ADAMTS17: variants seen among roughly 807,000 people sequenced by gnomAD.
ADAMTS17 encodes the protein A disintegrin and metalloproteinase with thrombospondin motifs 17.
In ADAMTS17, 113 loss-of-function variants were observed where a neutral mutation model predicts 141.5. The ratio of observed to expected loss-of-function variants is 0.80; its 90% CI spans 0.69 to 0.93. ADAMTS17 has a LOEUF of 0.93. Ranked by LOEUF, ADAMTS17 falls within the 40% of genes least tolerant of loss-of-function variation. The probability of loss-of-function intolerance (pLI) is 0.00; values close to 1 mark genes in which losing one functional copy is unlikely to be tolerated. For synonymous variants in ADAMTS17, 768 were observed against 630.6 expected, an observed-to-expected ratio of 1.22 and a Z score of -3.27; for missense variants, 1,659 against 1,517.9, an observed-to-expected ratio of 1.09 and a Z score of -1.54.
intron 3 of ADAMTS17, among the ~76,000 whole-genome samples, chr15:100,309,481 C>T (rs762736597): frequency 9.8e-5 from 15 of 152,308 alleles, no homozygotes; most frequent in Middle Eastern, 3.4e-3. Flanking sequence ...GGATGGATTT[C>T]GAGACAGGAC....
At chr15:100,255,806 A>C (rs796713359) in intron 6 of ADAMTS17, among the ~76,000 whole-genome samples, 12 of 152,304 alleles carry the variant, frequency 7.9e-5, no homozygotes, top group African/African-American at 2.2e-4. Flanking sequence ...TTTTGCAGAG[A>C]GCCAGCCCTG....
At chr15:99,995,567 C>T (rs2060785395) in intron 19 of ADAMTS17, among the ~76,000 whole-genome samples, 1 of 152,184 alleles carries the variant, frequency 6.6e-6, no homozygotes, top group African/African-American at 2.4e-5. Flanking sequence ...CCTTTTCCTT[C>T]CTTCTGGATA....
In ADAMTS17 at chr15:100,262,244, A is replaced by G. The variant is rs1168862045; in HGVS notation, c.873+108T>C. The G allele has an allele frequency of 8.1e-6, 8 of 987,754 alleles. No individual in the cohort carries two copies. In the East Asian group the frequency reaches 1.5e-4, roughly 18 times the overall value. The allele number at this position is 987,754 out of a possible 1,614,324, so 61.2% of individuals were successfully genotyped here. Reference sequence around the variant, plus strand: ...CACGCTGGCAAAGCCACAGAGAGTGACGGAGACTGGCAACTCCCTGGAGCC... The same window carrying G: ...CACGCTGGCAAAGCCACAGAGAGTGGCGGAGACTGGCAACTCCCTGGAGCC... On this transcript the variant is annotated intron_variant, in intron 5 of 21. Transcript: ENST00000268070.
At chr15:100,330,268 A>G (rs1248459126) in intron 3 of ADAMTS17, among the ~76,000 whole-genome samples, 1 of 152,242 alleles carries the variant, frequency 6.6e-6, no homozygotes, top group African/African-American at 2.4e-5. Context: ...GTTGGGGGAC[A>G]GGCCAGTGCA....
At position 100,030,611 on chromosome 15, in the gene ADAMTS17, C is replaced by T. The variant is rs117917114; in HGVS notation, c.2591+18246G>A. Among the ~76,000 whole-genome samples the T allele has an allele frequency of 8.2e-3, 1,253 of 152,264 alleles. 12 individuals carry two copies. The highest frequency in any genetic ancestry group is 0.014 in the Non-Finnish European group (985 of 68,020). ...ATCCTTTTTCCTTCCCTAGTCTTAC[C>T]CCCATCCTGCTGATGATACTATCTA... On this transcript the variant is annotated intron_variant, in intron 18 of 21. Transcript: ENST00000268070.
At chr15:100,262,658 A>G (rs954726603) in intron 4 of ADAMTS17, among the ~76,000 whole-genome samples, 2 of 152,076 alleles carry the variant, frequency 1.3e-5, no homozygotes, top group Non-Finnish European at 2.9e-5. Context: ...GAAACTATGT[A>G]TGGCAGCTCT....
chr15:100,082,213 G>A (rs536229799), intron 15 of ADAMTS17, among the ~76,000 whole-genome samples: 2 of 152,088 alleles, frequency 1.3e-5, no homozygotes, highest in South Asian at 4.2e-4. Flanking sequence ...CTACAGGCAC[G>A]TGCCACCACG....
At position 100,132,046 on chromosome 15, in the gene ADAMTS17, G is replaced by A. The variant is rs140998386; in HGVS notation, c.1682C>T (p.Thr561Met). The change falls in exon 12 of 22, where the codon ACG becomes ATG. Residue 561 changes from threonine to methionine, a missense_variant. By Grantham distance (81) the Thr-to-Met change is moderately conservative. Coordinates refer to ENST00000268070, the MANE Select transcript of ADAMTS17 (RefSeq NM_139057.4). ...TTTCCTCTGCCTGAAGCGGGCTCCC[G>A]TCCCACATGTTCGGCTGCACATGCT... ...AWSMCSRTCG[T>M]GARFRQRKCD... 563 of 1,613,816 alleles carry A rather than the reference G, an allele frequency of 3.5e-4. 1 individual carries two copies. Among genetic ancestry groups the A allele is most frequent in the Non-Finnish European group, 4.4e-4 (517 of 1,179,826 alleles).
chr15:100,099,656 C>T (rs1303170138), intron 14 of ADAMTS17, among the ~76,000 whole-genome samples: 1 of 152,176 alleles, frequency 6.6e-6, no homozygotes, highest in African/African-American at 2.4e-5. Context: ...GCTGGTCGCG[C>T]CCTGTGCCTC....
At chr15:100,270,942 C>G (rs1362302254) in intron 4 of ADAMTS17, among the ~76,000 whole-genome samples, 1 of 151,624 alleles carries the variant, frequency 6.6e-6, no homozygotes, top group African/African-American at 2.4e-5. Flanking sequence ...CTGGCCAGCG[C>G]TATTCGACTT....
chr15:100,296,580 GGTGTGT>G (rs59748937), intron 3 of ADAMTS17, among the ~76,000 whole-genome samples: 2 of 107,918 alleles, frequency 1.9e-5, no homozygotes, highest in Non-Finnish European at 3.9e-5. Flanking sequence ...GGTGAGGGGG[GGTGTGT>G]GTGTGTGTGT....
intron 7 of ADAMTS17, among the ~76,000 whole-genome samples, chr15:100,199,885 T>C (rs1277365996): frequency 1.3e-5 from 2 of 152,348 alleles, no homozygotes; most frequent in East Asian, 3.9e-4. Context: ...CCTCAGGCGA[T>C]GCCCCTGCAC....
intron 3 of ADAMTS17, chr15:100,306,055 G>A (rs960812371): frequency 6.2e-6 from 1 of 161,582 alleles, no homozygotes; most frequent in East Asian, 1.8e-4. Flanking sequence ...AAGCTGGGCT[G>A]AAGAGCCCCA....
chr15:100,341,033 C>T lies in ADAMTS17; in HGVS notation c.450+6G>A, dbSNP rs763110808. 1.3e-6 allele frequency: 2 copies of T among 1,523,590 alleles called. No homozygotes were observed. The highest frequency in any genetic ancestry group is 1.2e-5 in the South Asian group (1 of 83,764). The allele number at this position is 1,523,590 out of a possible 1,614,324, so 94.4% of individuals were successfully genotyped here. A position where few individuals can be genotyped will look rare whatever the true frequency, so the allele number is the denominator to read the frequency against. ...CGGGCCGACCCGGAGGTGGCGCGGG[C>T]AGTACCAGGCCGCCGGCGGCGCCGC... On this transcript the variant is annotated splice_donor_region_variant and intron_variant, in intron 2 of 21. Transcript: ENST00000268070.
chr15:100,048,483 T>C (rs910560464), intron 18 of ADAMTS17, among the ~76,000 whole-genome samples: 1 of 134,004 alleles, frequency 7.5e-6, no homozygotes, highest in African/African-American at 3.1e-5. Context: ...AACATTAGCC[T>C]GTGTGCACCT....
intron 15 of ADAMTS17, among the ~76,000 whole-genome samples, chr15:100,064,486 G>A (rs1398893709): frequency 6.6e-6 from 1 of 152,180 alleles, no homozygotes; most frequent in Non-Finnish European, 1.5e-5. Context: ...TCATTCATCT[G>A]CTGGAGGGCC....
At chr15:100,311,401 A>C (rs966757210) in intron 3 of ADAMTS17, among the ~76,000 whole-genome samples, 1 of 152,178 alleles carries the variant, frequency 6.6e-6, no homozygotes, top group Non-Finnish European at 1.5e-5. Context: ...TCAGGGCTGG[A>C]CCAGCTGCCA....
At chr15:100,316,935 C>T (rs894484590) in intron 3 of ADAMTS17, among the ~76,000 whole-genome samples, 8 of 152,192 alleles carry the variant, frequency 5.3e-5, no homozygotes, top group African/African-American at 1.9e-4. Context: ...CACAGGTGGG[C>T]AGCAGGAAAT....
chr15:100,012,546 G>C (rs117142862), intron 18 of ADAMTS17, among the ~76,000 whole-genome samples: 1,642 of 152,302 alleles, frequency 0.011, 16 homozygotes, highest in Non-Finnish European at 0.017. Flanking sequence ...AATCCGTCTT[G>C]AGTTGATTTC....
Sources: allele counts gnomAD v4.1 joint callset (sites outside exome capture counted in the v4.1 genomes callset), GRCh38; gene constraint gnomAD v4.1.1; transcripts MANE v1.5; gene names NCBI Gene and HGNC (gene_info 2026-07-23, HGNC 2026-07-21).